The following BCAS3 variants were observed in gnomAD, a reference collection of about 807,000 sequenced individuals.
BCAS3 encodes the protein BCAS4/BCAS3 fusion.
Under a neutral mutation model 116.1 loss-of-function variants are expected in BCAS3, and 53 were observed. The observed-to-expected ratio is 0.46, with a 90% CI of 0.37 to 0.57. The LOEUF is 0.57. BCAS3 is among the 20% of genes least tolerant of loss of function. BCAS3 has a pLI of 0.00. For synonymous variants in BCAS3, 391 were observed against 408.2 expected (o/e 0.96, Z 0.51); for missense variants, 917 against 1,165.4 (o/e 0.79, Z 3.10).
intron 7 of BCAS3, among the ~76,000 whole-genome samples, chr17:60,859,442 TG>T (rs1315771462): frequency 6.6e-6 from 1 of 152,168 alleles, no homozygotes; most frequent in Non-Finnish European, 1.5e-5. Context: ...GAGAGCATTC[TG>T]TATTAGGTTT....
intron 12 of BCAS3, among the ~76,000 whole-genome samples, chr17:60,924,168 C>T (rs1004318283): frequency 3.9e-5 from 6 of 152,072 alleles, no homozygotes. Flanking sequence ...TTGTTTCTGT[C>T]ATCTACAGTC....
intron 22 of BCAS3, among the ~76,000 whole-genome samples, chr17:61,272,752 C>T (rs2050416291): frequency 6.9e-6 from 1 of 144,442 alleles, no homozygotes; most frequent in Non-Finnish European, 1.5e-5. Flanking sequence ...CTATCCATAA[C>T]TAGATCTACT....
chr17:60,957,978 T>C (rs2061228542), intron 14 of BCAS3, among the ~76,000 whole-genome samples: 1 of 152,266 alleles, frequency 6.6e-6, no homozygotes, highest in Non-Finnish European at 1.5e-5. Context: ...AGTAGTTTTC[T>C]ATTTACTGTA....
intron 7 of BCAS3, among the ~76,000 whole-genome samples, chr17:60,830,627 A>G (rs1317158954): frequency 6.6e-6 from 1 of 152,120 alleles, no homozygotes; most frequent in Non-Finnish European, 1.5e-5. Flanking sequence ...GATACTGAGG[A>G]CCAAATATTT....
chr17:60,684,643 AAC>A (rs2033756678), intron 3 of BCAS3, among the ~76,000 whole-genome samples: 1 of 152,102 alleles, frequency 6.6e-6, no homozygotes, highest in South Asian at 2.1e-4. Flanking sequence ...TCAGAGTCTT[AAC>A]ACAATTGATT....
At chr17:60,918,641 ACT>A (rs1238462355) in intron 12 of BCAS3, among the ~76,000 whole-genome samples, 1 of 149,562 alleles carries the variant, frequency 6.7e-6, no homozygotes, top group Non-Finnish European at 1.5e-5. Context: ...TGTCTGTCAA[ACT>A]GAAATCTCTT....
At position 61,348,627 on chromosome 17, in the gene BCAS3, T is replaced by C. The variant is rs781005458; in HGVS notation, c.2426-19700T>C. On this transcript the variant is annotated intron_variant, in intron 22 of 23. Coordinates refer to ENST00000407086, the MANE Select transcript of BCAS3 (RefSeq NM_017679.5). This position sits in a 1 kb window ranked among gnomAD's most constrained non-coding sequence, Gnocchi z 4.5. ...GAGGAAGCTAGGGAGTAGTCAGCAATTTCCCAATGAAGTCAACTTGCTTTA... is the reference window on the plus strand; with the variant it reads ...GAGGAAGCTAGGGAGTAGTCAGCAACTTCCCAATGAAGTCAACTTGCTTTA... Among the ~76,000 whole-genome samples the C allele has an allele frequency of 1.1e-4, 17 of 152,076 alleles. No individual in the cohort carries two copies. The highest frequency in any genetic ancestry group is 2.1e-4 in the South Asian group (1 of 4,822).
rs1397813089 is a variant in BCAS3, at chr17:60,964,850, A to G, written c.1221+17498A>G. Among the ~76,000 whole-genome samples the G allele has an allele frequency of 1.3e-5, 2 of 151,984 alleles. No homozygotes were observed. Among genetic ancestry groups the G allele is most frequent in the African/African-American group, 4.8e-5 (2 of 41,404 alleles). On this transcript the variant is annotated intron_variant, in intron 14 of 23. Coordinates refer to ENST00000407086, the MANE Select transcript of BCAS3 (RefSeq NM_017679.5). This position sits in a 1 kb window ranked among gnomAD's most constrained non-coding sequence, Gnocchi z 4.6. ...TATATAATTGTTCATAGTAGTCTCT[A>G]ATGATTTTTTGTGTTTCTGAGGTCT...
At position 61,261,106 on chromosome 17, in the gene BCAS3, TAGA is replaced by T. The variant is rs1489170842; in HGVS notation, c.2426-107214_2426-107212del. 1.3e-5 allele frequency among the ~76,000 whole-genome samples: 2 copies of T among 152,298 alleles called. No homozygotes were observed. Among genetic ancestry groups the T allele is most frequent in the Non-Finnish European group, 1.5e-5 (1 of 68,014 alleles). On this transcript the variant is annotated intron_variant, in intron 22 of 23. Transcript: ENST00000407086. The surrounding 1 kb of genome is among the most constrained non-coding windows in gnomAD (Gnocchi z 4.4). Reference sequence around the variant, plus strand: ...TTTGACACATTTTGCCTGGAAGTCATAGAAGAAGACTGAGGTGCCCCCATCAGA... The same window carrying T: ...TTTGACACATTTTGCCTGGAAGTCATAGAAGACTGAGGTGCCCCCATCAGA...
chr17:61,068,449 C>T lies in BCAS3; in HGVS notation c.2030-6471C>T, dbSNP rs143185637. Among the ~76,000 whole-genome samples, 137 of 152,340 alleles carry T rather than the reference C, an allele frequency of 9.0e-4. 3 individuals carry two copies. The East Asian group carries it at 0.016, about 18-fold the overall frequency. On this transcript the variant is annotated intron_variant, in intron 19 of 23. Transcript: ENST00000407086. The surrounding 1 kb of genome is among the most constrained non-coding windows in gnomAD (Gnocchi z 4.3). ...GGCCATTGGTTCATATAGGTCTCTG[C>T]AGCATCCATTCTTGTTTCTCATCCA... is the stretch of plus-strand genomic sequence containing the variant.
At position 61,356,363 on chromosome 17, in the gene BCAS3, T is replaced by C. The variant is rs1343204836; in HGVS notation, c.2426-11964T>C. ...TTCCTCCTTGGAGGGGGAGAAATCA[T>C]GAGTGTGCCAAGTTTAAAACAGAAG... On this transcript the variant is annotated intron_variant, in intron 22 of 23. Transcript: ENST00000407086. This position sits in a 1 kb window ranked among gnomAD's most constrained non-coding sequence, Gnocchi z 5.4. 1.3e-5 allele frequency among the ~76,000 whole-genome samples: 2 copies of C among 152,226 alleles called. No individual in the cohort carries two copies. The highest frequency in any genetic ancestry group is 2.9e-5 in the Non-Finnish European group (2 of 68,042).
chr17:61,296,750 A>G (rs955088914), intron 22 of BCAS3, among the ~76,000 whole-genome samples: 17 of 152,220 alleles, frequency 1.1e-4, no homozygotes, highest in South Asian at 2.1e-4. Context: ...ATGAGTTGCA[A>G]TTAGCCAGGC....
rs769065792 is a variant in BCAS3, at chr17:61,346,567, A to G, written c.2426-21760A>G. 2.0e-5 allele frequency among the ~76,000 whole-genome samples: 3 copies of G among 152,210 alleles called. No individual in the cohort carries two copies. The highest frequency in any genetic ancestry group is 2.9e-5 in the Non-Finnish European group (2 of 68,038). ...TCATTGAAGTCTTACTATTTTTAGT[A>G]TTCCCATTTTATAGCTGTATAAATT... is the stretch of plus-strand genomic sequence containing the variant. On this transcript the variant is annotated intron_variant, in intron 22 of 23. Coordinates refer to ENST00000407086, the MANE Select transcript of BCAS3 (RefSeq NM_017679.5). The surrounding 1 kb of genome is among the most constrained non-coding windows in gnomAD (Gnocchi z 5.4).
rs1041773975 is a variant in BCAS3 at position 61,217,106 on chromosome 17, C to T, written c.2425+132542C>T. 1.3e-5 allele frequency among the ~76,000 whole-genome samples: 2 copies of T among 151,328 alleles called. No individual in the cohort carries two copies. The highest frequency in any genetic ancestry group is 4.9e-5 in the African/African-American group (2 of 41,178). ...ACCATCCTGGCTAACACGGTGAAAC[C>T]CCGTCTCTACTAAAAAAATACAAAA... is the stretch of plus-strand genomic sequence containing the variant. On this transcript the variant is annotated intron_variant, in intron 22 of 23. Transcript: ENST00000407086. The surrounding 1 kb of genome is among the most constrained non-coding windows in gnomAD (Gnocchi z 5.2).
chr17:61,209,226 C>CT (rs2081320185), intron 22 of BCAS3, among the ~76,000 whole-genome samples: 2 of 151,530 alleles, frequency 1.3e-5, no homozygotes, highest in African/African-American at 4.9e-5. Flanking sequence ...TTTTCCCTGG[C>CT]TTGCTTACAG....
chr17:61,067,713 TCAAA>T (rs1216182957), intron 19 of BCAS3, among the ~76,000 whole-genome samples: 14 of 123,254 alleles, frequency 1.1e-4, no homozygotes, highest in African/African-American at 3.9e-4. Context: ...AGACTCCATC[TCAAA>T]CAAACAAACA....
chr17:61,005,822 G>A (rs946863154), intron 15 of BCAS3, among the ~76,000 whole-genome samples: 4 of 134,616 alleles, frequency 3.0e-5, no homozygotes, highest in African/African-American at 1.1e-4. Flanking sequence ...TATACTTTAA[G>A]TTTTAGGGTA....
Position 61,146,660 on chromosome 17 carries a change from G to A in BCAS3, c.2425+62096G>A, listed in dbSNP as rs2077233006. On this transcript the variant is annotated intron_variant, in intron 22 of 23. Coordinates refer to ENST00000407086, the MANE Select transcript of BCAS3 (RefSeq NM_017679.5). Reference sequence around the variant, plus strand: ...CAGATTTGAATTCTAGGCTTTGCTGGTCCACTGATGATGTTCATTTTCTTT... The same window carrying A: ...CAGATTTGAATTCTAGGCTTTGCTGATCCACTGATGATGTTCATTTTCTTT... Among the ~76,000 whole-genome samples the A allele has an allele frequency of 2.0e-5, 3 of 152,106 alleles. No individual in the cohort carries two copies. In the South Asian group the frequency reaches 6.2e-4, roughly 32 times the overall value.
At chr17:61,232,200 GAAAAA>G (rs71148394) in intron 22 of BCAS3, among the ~76,000 whole-genome samples, 7 of 72,488 alleles carry the variant, frequency 9.7e-5, no homozygotes, top group African/African-American at 1.3e-4. Context: ...GAAAGACTCC[GAAAAA>G]AAAAAAAAAA....
Sources: allele counts gnomAD v4.1 joint callset (sites outside exome capture counted in the v4.1 genomes callset), GRCh38; gene constraint gnomAD v4.1.1; non-coding constraint Gnocchi (gnomAD v3.1); transcripts MANE v1.5; gene names NCBI Gene and HGNC (gene_info 2026-07-23, HGNC 2026-07-21).